The following RBFOX1 variants were observed in gnomAD, a reference collection of about 807,000 sequenced individuals.
RBFOX1 encodes the protein RNA binding fox-1 homolog 1.
Under a neutral mutation model 57.7 loss-of-function variants are expected in RBFOX1, and 8 were observed. That is an observed-to-expected ratio of 0.14 (90% CI 0.08 to 0.25). The LOEUF (loss-of-function observed/expected upper bound fraction) is 0.25. RBFOX1 is among the 10% of genes least tolerant of loss of function. The probability of loss-of-function intolerance (pLI) is 1.00; values close to 1 mark genes in which losing one functional copy is unlikely to be tolerated. For missense variants in RBFOX1, 611 were observed against 548.5 expected (o/e 1.11, Z -1.14); for synonymous variants, 326 against 222.4 (o/e 1.47, Z -4.15).
chr16:7,386,499 G>T (rs2097884984), intron 4 of RBFOX1, among the ~76,000 whole-genome samples: 1 of 151,560 alleles, frequency 6.6e-6, no homozygotes, highest in African/African-American at 2.4e-5. Context: ...TCTTGTGTTA[G>T]TTTGATGAGA....
intron 1 of RBFOX1, among the ~76,000 whole-genome samples, chr16:5,314,566 T>C (rs761414114): frequency 1.3e-5 from 2 of 152,214 alleles, no homozygotes; most frequent in African/African-American, 4.8e-5. Context: ...AGTGGTGCAA[T>C]CACAGCTCAC....
intron 12 of RBFOX1, among the ~76,000 whole-genome samples, chr16:7,654,450 A>T (rs1005077885): frequency 3.3e-5 from 5 of 152,194 alleles, no homozygotes; most frequent in African/African-American, 1.2e-4. Context: ...ACATGCAAAC[A>T]TACAAGAATT....
intron 4 of RBFOX1, among the ~76,000 whole-genome samples, chr16:7,305,127 G>C (rs1031078812): frequency 6.6e-6 from 1 of 152,054 alleles, no homozygotes; most frequent in African/African-American, 2.4e-5. Context: ...GTTTGTGTGT[G>C]TGTGCGTGTG....
At chr16:5,378,646 G>C (rs2066052143) in intron 1 of RBFOX1, among the ~76,000 whole-genome samples, 1 of 151,488 alleles carries the variant, frequency 6.6e-6, no homozygotes, top group African/African-American at 2.5e-5. Context: ...AACTGGGATG[G>C]TTGGTCACAC....
At chr16:6,784,153 G>C (rs1044160353) in intron 3 of RBFOX1, among the ~76,000 whole-genome samples, 1 of 151,820 alleles carries the variant, frequency 6.6e-6, no homozygotes, top group African/African-American at 2.4e-5. Context: ...CTTGTACCTG[G>C]ATATTCACTG....
chr16:7,651,558 A>C (rs1002012893), intron 11 of RBFOX1, among the ~76,000 whole-genome samples: 33 of 152,190 alleles, frequency 2.2e-4, no homozygotes, highest in African/African-American at 8.0e-4. Context: ...TGTATGTGGA[A>C]AGGACTCTGA....
At chr16:6,187,093 A>G (rs1030989391) in intron 1 of RBFOX1, among the ~76,000 whole-genome samples, 25 of 152,156 alleles carry the variant, frequency 1.6e-4, no homozygotes, top group African/African-American at 6.0e-4. Context: ...AGGGGATGCA[A>G]CACTATATCA....
At chr16:7,336,676 T>C (rs1220644932) in intron 4 of RBFOX1, among the ~76,000 whole-genome samples, 1 of 152,268 alleles carries the variant, frequency 6.6e-6, no homozygotes, top group Non-Finnish European at 1.5e-5. Flanking sequence ...AATATTGTCA[T>C]GTGCCAGGCT....
chr16:6,857,720 C>G (rs887735189), intron 3 of RBFOX1, among the ~76,000 whole-genome samples: 1 of 152,154 alleles, frequency 6.6e-6, no homozygotes, highest in East Asian at 1.9e-4. Flanking sequence ...ATTTCCCATT[C>G]TCCTGTAAAT....
At chr16:5,539,488 C>A (rs1343361442) in intron 2 of RBFOX1, among the ~76,000 whole-genome samples, 1 of 151,988 alleles carries the variant, frequency 6.6e-6, no homozygotes, top group Non-Finnish European at 1.5e-5. Flanking sequence ...ACTTGTAATC[C>A]CAGCTACTCG....
At chr16:5,548,953 G>A (rs2045344936) in intron 2 of RBFOX1, among the ~76,000 whole-genome samples, 2 of 152,206 alleles carry the variant, frequency 1.3e-5, no homozygotes, top group Non-Finnish European at 2.9e-5. Flanking sequence ...TGTTGTTTCT[G>A]AAAATTGTCT....
Position 7,587,309 on chromosome 16 carries a change from CTT to C in RBFOX1, c.468+10_468+11del, listed in dbSNP as rs768579064. On this transcript the variant is annotated intron_variant, in intron 7 of 15. Transcript: ENST00000550418. ...ATGAGCGAGGCTCAAAGGTAAGCAA[CTT>C]AATTCACTTTAGAATTGTTTAGTTT... 1 of 1,547,146 alleles carries C rather than the reference CTT, an allele frequency of 6.5e-7. No individual in the cohort carries two copies. The highest frequency in any genetic ancestry group is 8.7e-7 in the Non-Finnish European group (1 of 1,149,026).
intron 1 of RBFOX1, among the ~76,000 whole-genome samples, chr16:5,352,989 C>T (rs2065297732): frequency 6.6e-6 from 1 of 152,050 alleles, no homozygotes; most frequent in South Asian, 2.1e-4. Context: ...AGTCAAATTC[C>T]CCAATTTTTC....
chr16:5,551,029 C>G (rs1004068249), intron 2 of RBFOX1, among the ~76,000 whole-genome samples: 4 of 152,170 alleles, frequency 2.6e-5, no homozygotes, highest in African/African-American at 4.8e-5. Flanking sequence ...ATCAAACGCT[C>G]AGGGAACTGT....
chr16:7,704,151 C>T lies in RBFOX1; in HGVS notation c.996-4905C>T, dbSNP rs549168332. Among the ~76,000 whole-genome samples the T allele has an allele frequency of 2.0e-4, 31 of 152,320 alleles. 1 individual carries two copies. The highest frequency in any genetic ancestry group is 5.8e-4 in the African/African-American group (24 of 41,570). On this transcript the variant is annotated intron_variant, in intron 14 of 15. Coordinates refer to ENST00000550418, the MANE Select transcript of RBFOX1 (RefSeq NM_018723.4). Reference sequence around the variant, plus strand: ...GAGCAAGGACATCATAAAAGCAGAACTCAAACCTGGATCTTTTTGCCCCAA... The same window carrying T: ...GAGCAAGGACATCATAAAAGCAGAATTCAAACCTGGATCTTTTTGCCCCAA...
chr16:6,579,873 A>C (rs867092381), intron 2 of RBFOX1, among the ~76,000 whole-genome samples: 6 of 152,126 alleles, frequency 3.9e-5, no homozygotes, highest in Admixed American at 3.9e-4. Context: ...GGTGTGAGCC[A>C]CTGCCGCCAG....
chr16:6,350,321 A>T (rs936980751), intron 2 of RBFOX1, among the ~76,000 whole-genome samples: 2 of 151,776 alleles, frequency 1.3e-5, no homozygotes, highest in African/African-American at 4.8e-5. Flanking sequence ...CATGCCTGTA[A>T]TACTATCTAC....
chr16:7,366,075 G>C (rs1166582433), intron 4 of RBFOX1, among the ~76,000 whole-genome samples: 4 of 152,168 alleles, frequency 2.6e-5, no homozygotes, highest in African/African-American at 9.7e-5. Flanking sequence ...GCTCATCACT[G>C]AGCCAATCAG....
At chr16:7,212,677 A>G (rs1455075423) in intron 4 of RBFOX1, among the ~76,000 whole-genome samples, 1 of 152,156 alleles carries the variant, frequency 6.6e-6, no homozygotes, top group Non-Finnish European at 1.5e-5. Flanking sequence ...GAGTGTAGTT[A>G]TTAGGAATAA....
Sources: allele counts gnomAD v4.1 joint callset (sites outside exome capture counted in the v4.1 genomes callset), GRCh38; gene constraint gnomAD v4.1.1; transcripts MANE v1.5; gene names NCBI Gene and HGNC (gene_info 2026-07-23, HGNC 2026-07-21).